CDH3: variants seen among roughly 807,000 people sequenced by gnomAD.
CDH3 encodes the protein cadherin 3, also known as cadherin-3.
In CDH3, 54 loss-of-function variants were observed where a neutral mutation model predicts 82.0. The ratio of observed to expected loss-of-function variants is 0.66; its 90% CI spans 0.53 to 0.83. The LOEUF (loss-of-function observed/expected upper bound fraction) is 0.83. CDH3 is among the 40% of genes least tolerant of loss of function. The probability of loss-of-function intolerance (pLI) is 0.00; values close to 1 mark genes in which losing one functional copy is unlikely to be tolerated. For synonymous variants in CDH3, 446 were observed against 437.9 expected, an observed-to-expected ratio of 1.02 and a Z score of -0.23; for missense variants, 1,054 against 1,084.6, an observed-to-expected ratio of 0.97 and a Z score of 0.40.
At chr16:68,648,650 T>C (rs1372025618) in intron 2 of CDH3, among the ~76,000 whole-genome samples, 1 of 152,024 alleles carries the variant, frequency 6.6e-6, no homozygotes, top group Non-Finnish European at 1.5e-5. Flanking sequence ...GGGGTCTCAC[T>C]ATGTTGCCCA....
At position 68,684,666 on chromosome 16, in the gene CDH3, C is replaced by A; in HGVS notation, c.1266C>A (p.Thr422=). Residue 422 remains threonine (T), a synonymous_variant, in exon 10 of 16, where the codon ACC becomes ACA. Coordinates refer to ENST00000264012, the MANE Select transcript of CDH3 (RefSeq NM_001793.6). Reference sequence around the variant, plus strand: ...CCCCTTTTGTGCTGAAGCTCCCAACCTCCACAGCCACCATAGTGGTCCACG... The same window carrying A: ...CCCCTTTTGTGCTGAAGCTCCCAACATCCACAGCCACCATAGTGGTCCACG... ...NEAPFVLKLP[T]STATIVVHVE... 6.2e-7 allele frequency: 1 copy of A among 1,614,228 alleles called. No individual in the cohort carries two copies. The highest frequency in any genetic ancestry group is 8.5e-7 in the Non-Finnish European group (1 of 1,180,042).
intron 6 of CDH3, among the ~76,000 whole-genome samples, chr16:68,679,484 G>A (rs1258248210): frequency 2.0e-5 from 3 of 152,084 alleles, no homozygotes; most frequent in African/African-American, 7.2e-5. Context: ...CTTGAGATCA[G>A]GAGTTTAAGA....
At chr16:68,724,064 G>A (rs867554974) in intron 2 of CDH3, among the ~76,000 whole-genome samples, 1,093 of 71,252 alleles carry the variant, frequency 0.015, 8 homozygotes, top group African/African-American at 0.046. Flanking sequence ...GCGAGACTCC[G>A]TCTCAAAAAA....
chr16:68,649,597 G>T (rs1446890987), intron 2 of CDH3, among the ~76,000 whole-genome samples: 2 of 152,282 alleles, frequency 1.3e-5, no homozygotes, highest in East Asian at 1.9e-4. Context: ...TCCACAGTCG[G>T]TGTTTCACAT....
intron 9 of CDH3, 142 bp from the exon 10 acceptor site, chr16:68,684,441 G>A (rs372557739): frequency 3.2e-6 from 3 of 942,804 alleles, no homozygotes; most frequent in Admixed American, 3.4e-5. Flanking sequence ...GAGTGTTTAT[G>A]TTACAGAGAA....
In CDH3 at chr16:68,706,432, C is replaced by T. The variant is rs1961964698; in HGVS notation, c.99+10509C>T. 1.3e-5 allele frequency among the ~76,000 whole-genome samples: 2 copies of T among 152,032 alleles called. 1 individual carries two copies. The highest frequency in any genetic ancestry group is 4.2e-4 in the South Asian group (2 of 4,810). ...TCCACTGTCCCCCAGCACAGCATTCCATTGACCACCCCATGGGCCTTGGAG... is the reference window on the plus strand; with the variant it reads ...TCCACTGTCCCCCAGCACAGCATTCTATTGACCACCCCATGGGCCTTGGAG... On this transcript the variant is annotated intron_variant, in intron 1 of 2. Coordinates refer to the CDH3 transcript ENST00000569080.
chr16:68,732,614 G>A, the CDH3 span, among the ~76,000 whole-genome samples: 1 of 152,210 alleles, frequency 6.6e-6, no homozygotes, highest in Non-Finnish European at 1.5e-5. Flanking sequence ...AAATTCCACT[G>A]TTAGCGCTGG....
Position 68,695,870 on chromosome 16 carries a change from A to G in CDH3, c.2227A>G (p.Met743Val), listed in dbSNP as rs367654075. 9.9e-6 allele frequency: 16 copies of G among 1,614,038 alleles called. No individual in the cohort carries two copies. Among genetic ancestry groups the G allele is most frequent in the African/African-American group, 6.7e-5 (5 of 74,920 alleles). Reference protein sequence around the residue: ...DVAPTIIPTPMYRPRPANPDE... With the variant: ...DVAPTIIPTPVYRPRPANPDE... ...GGCACCAACCATCATCCCGACACCC[A>G]TGTACCGTCCTCGGCCAGCCAACCC... is the stretch of plus-strand genomic sequence containing the variant. Residue 743 changes from methionine to valine, a missense_variant, in exon 15 of 16, where the codon ATG becomes GTG. Coordinates refer to ENST00000264012, the MANE Select transcript of CDH3 (RefSeq NM_001793.6).
rs375481843 is a variant in CDH3 at position 68,716,681 on chromosome 16, G to GAAGGAGGGT, written c.100-5742_100-5734dup. Among the ~76,000 whole-genome samples, 483 of 151,506 alleles carry GAAGGAGGGT rather than the reference G, an allele frequency of 3.2e-3. 5 individuals are homozygous for GAAGGAGGGT. Among genetic ancestry groups the GAAGGAGGGT allele is most frequent in the African/African-American group, 0.011 (462 of 41,344 alleles). ...ATAACAGTAGTTGCCTCTGGGGAGG[G>GAAGGAGGGT]AAGGAGGGTAGCACGGGATGGTACA... On this transcript the variant is annotated intron_variant, in intron 1 of 2. Transcript: ENST00000569080.
intron 13 of CDH3, among the ~76,000 whole-genome samples, chr16:68,693,893 A>G (rs1352378561): frequency 6.6e-6 from 1 of 152,146 alleles, no homozygotes; most frequent in Non-Finnish European, 1.5e-5. Context: ...CCAGTTGGCC[A>G]GTTCCCCCCA....
At chr16:68,681,707 A>G (rs1961234272) in intron 8 of CDH3, among the ~76,000 whole-genome samples, 1 of 152,144 alleles carries the variant, frequency 6.6e-6, no homozygotes, top group South Asian at 2.1e-4. Flanking sequence ...GTGCAGTGGC[A>G]TACACCTGTA....
At position 68,678,483 on chromosome 16, in the gene CDH3, A is replaced by T. The variant is rs370207544; in HGVS notation, c.391-18A>T. 2.0e-5 allele frequency: 33 copies of T among 1,614,010 alleles called. No individual in the cohort carries two copies. The highest frequency in any genetic ancestry group is 2.7e-5 in the Non-Finnish European group (32 of 1,180,010). On this transcript the variant is annotated intron_variant, in intron 4 of 15. Coordinates refer to ENST00000264012, the MANE Select transcript of CDH3 (RefSeq NM_001793.6). ...GATATTTGTTACTTTGTCAGCTGCC[A>T]TTTTCTTTTCCCTCCAGCTCAAGTC...
chr16:68,729,700 C>T (rs761657382), downstream of CDH3, among the ~76,000 whole-genome samples: 25 of 152,086 alleles, frequency 1.6e-4, no homozygotes, highest in Non-Finnish European at 2.5e-4. Flanking sequence ...GGCGTGATCT[C>T]GGCTCACTGC....
At chr16:68,685,906 C>CTGT (rs1184760350) in intron 11 of CDH3, among the ~76,000 whole-genome samples, 8 of 152,198 alleles carry the variant, frequency 5.3e-5, no homozygotes, top group Non-Finnish European at 2.9e-5. Flanking sequence ...TGACTCAGGC[C>CTGT]TGTAATGCTA....
intron 15 of CDH3, among the ~76,000 whole-genome samples, chr16:68,697,721 G>A (rs962041264): frequency 5.9e-5 from 9 of 152,254 alleles, no homozygotes; most frequent in South Asian, 2.1e-4. Context: ...CTATTGTTGC[G>A]AGGTGCTATT....
intron 13 of CDH3, among the ~76,000 whole-genome samples, chr16:68,694,056 A>T (rs1318351728): frequency 6.6e-6 from 1 of 151,968 alleles, no homozygotes; most frequent in African/African-American, 2.4e-5. Flanking sequence ...GGAGTTAGAG[A>T]CCAGCTTGGC....
downstream of CDH3, among the ~76,000 whole-genome samples, chr16:68,728,975 G>A (rs755702267): frequency 6.6e-6 from 1 of 152,248 alleles, no homozygotes; most frequent in East Asian, 1.9e-4. Flanking sequence ...ATTGAGGAAC[G>A]CGTTTAAGGA....
chr16:68,682,396 C>G lies in CDH3; in HGVS notation c.1091C>G (p.Ala364Gly). 1 of 1,614,054 alleles carries G rather than the reference C, an allele frequency of 6.2e-7. No individual in the cohort carries two copies. Among genetic ancestry groups the G allele is most frequent in the Non-Finnish European group, 8.5e-7 (1 of 1,180,004 alleles). Residue 364 changes from alanine to glycine, a missense_variant, in exon 9 of 16, where the codon GCC becomes GGC. Ala to Gly is a moderately conservative substitution (Grantham distance 60). Transcript: ENST00000264012. ...LDAPNSPAWR[A>G]TYLIMGGDDG... ...GCCCCCAACTCACCAGCGTGGCGTG[C>G]CACCTACCTTATCATGGGCGGTGAC...
intron 13 of CDH3, among the ~76,000 whole-genome samples, chr16:68,692,669 G>C (rs1308706815): frequency 6.6e-6 from 1 of 152,220 alleles, no homozygotes; most frequent in Admixed American, 6.5e-5. Context: ...TACTGGTCTA[G>C]TGGGAGGAAA....
Sources: gnomAD v4.1 joint callset for allele counts (sites outside exome capture counted in the v4.1 genomes callset) on GRCh38, gnomAD v4.1.1 for gene constraint, MANE v1.5 for transcripts, NCBI Gene and HGNC (gene_info 2026-07-23, HGNC 2026-07-21) for gene names.